TCF20: variants seen among roughly 807,000 people sequenced by gnomAD.
TCF20 encodes the protein SPRE-binding protein.
TCF20 carries 3 observed loss-of-function variants against 148.6 expected under a neutral mutation model. The ratio of observed to expected loss-of-function variants is 0.02; its 90% CI spans 0.01 to 0.05. The LOEUF (loss-of-function observed/expected upper bound fraction) is 0.05. TCF20 is among the 10% of genes least tolerant of loss of function. The pLI, the probability that TCF20 is intolerant of heterozygous loss-of-function variation, is 1.00. For synonymous variants in TCF20, 1,049 were observed against 909.5 expected, an observed-to-expected ratio of 1.15 and a Z score of -2.76; for missense variants, 2,350 against 2,429.3, an observed-to-expected ratio of 0.97 and a Z score of 0.69.
intron 1 of TCF20, among the ~76,000 whole-genome samples, chr22:42,260,515 A>C (rs1388645276): frequency 1.3e-5 from 2 of 152,176 alleles, no homozygotes; most frequent in African/African-American, 4.8e-5. Flanking sequence ...TCTTGAGATG[A>C]GAGGGAACAA....
chr22:42,201,425 T>G (rs753072333), intron 2 of TCF20, among the ~76,000 whole-genome samples: 7 of 152,180 alleles, frequency 4.6e-5, no homozygotes, highest in Non-Finnish European at 1.0e-4. Flanking sequence ...TCAGAATTCT[T>G]AATTATTTTG....
intron 1 of TCF20, among the ~76,000 whole-genome samples, chr22:42,230,522 A>T (rs888634421): frequency 2.6e-5 from 4 of 152,150 alleles, no homozygotes; most frequent in Admixed American, 1.3e-4. Flanking sequence ...GCATGTGCCT[A>T]TAAGTCCTAG....
intron 1 of TCF20, among the ~76,000 whole-genome samples, chr22:42,311,233 GACCTGCAGT>G (rs1412220805): frequency 1.3e-5 from 2 of 152,232 alleles, no homozygotes; most frequent in African/African-American, 4.8e-5. Flanking sequence ...TGGCGACTGG[GACCTGCAGT>G]CAGGGAGGCA....
intron 1 of TCF20, among the ~76,000 whole-genome samples, chr22:42,243,063 C>G (rs142735045): frequency 1.3e-5 from 2 of 151,710 alleles, no homozygotes; most frequent in Admixed American, 1.3e-4. Flanking sequence ...AGGATGAATA[C>G]GGAGAGAGTA....
intron 1 of TCF20, among the ~76,000 whole-genome samples, chr22:42,260,515 A>G (rs1388645276): frequency 6.6e-6 from 1 of 152,176 alleles, no homozygotes; most frequent in African/African-American, 2.4e-5. Context: ...TCTTGAGATG[A>G]GAGGGAACAA....
In TCF20 at chr22:42,277,594, CAG is replaced by C. The variant is rs200040461; in HGVS notation, c.-37+6231_-37+6232del. On this transcript the variant is annotated intron_variant, in intron 1 of 5. Transcript: ENST00000359486. ...AACAAGTAGATTTCCAGGAAGGGCA[CAG>C]GGGCCTGCAGGGTAATGTAAGTGAA... Among the ~76,000 whole-genome samples, 689 of 152,264 alleles carry C rather than the reference CAG, an allele frequency of 4.5e-3. 8 individuals are homozygous for C. Among genetic ancestry groups the C allele is most frequent in the African/African-American group, 0.016 (664 of 41,534 alleles).
intron 1 of TCF20, among the ~76,000 whole-genome samples, chr22:42,241,453 T>C (rs1041543538): frequency 2.0e-5 from 3 of 152,148 alleles, no homozygotes; most frequent in African/African-American, 7.2e-5. Context: ...TAAAAAACAA[T>C]GTAGCAGACT....
chr22:42,244,819 C>T, intron 1 of TCF20, among the ~76,000 whole-genome samples: 1 of 152,124 alleles, frequency 6.6e-6, no homozygotes, highest in East Asian at 1.9e-4. Flanking sequence ...GTGGCTCACA[C>T]CTGTAATCCC....
At chr22:42,237,660 G>C (rs1194655125) in intron 1 of TCF20, among the ~76,000 whole-genome samples, 4 of 152,208 alleles carry the variant, frequency 2.6e-5, no homozygotes, top group Non-Finnish European at 5.9e-5. Context: ...TCTTAAATAA[G>C]ACTTGAAAAT....
chr22:42,193,292 T>C (rs1412649435), intron 2 of TCF20, among the ~76,000 whole-genome samples: 1 of 151,492 alleles, frequency 6.6e-6, no homozygotes, highest in African/African-American at 2.4e-5. Flanking sequence ...CCTACACTTT[T>C]TTTTTTTTTT....
Position 42,243,310 on chromosome 22 carries a change from A to AAAAAAAAAAAAAAAAAAAAC in TCF20, c.-37+27028_-37+27029insGTTTTTTTTTTTTTTTTTTT, listed in dbSNP as rs1569180401. On this transcript the variant is annotated intron_variant, in intron 1 of 5. Coordinates refer to ENST00000677622, the MANE Select transcript of TCF20 (RefSeq NM_001378418.1). ...ACTGTCTCAAAAAAAAAAAAAAAAA[A>AAAAAAAAAAAAAAAAAAAAC]AAAAAAAAAAAGTCAGGCATGATGG... is the stretch of plus-strand genomic sequence containing the variant. Among the ~76,000 whole-genome samples, 32 of 140,950 alleles carry AAAAAAAAAAAAAAAAAAAAC rather than the reference A, an allele frequency of 2.3e-4. 1 individual carries two copies. Among genetic ancestry groups the AAAAAAAAAAAAAAAAAAAAC allele is most frequent in the African/African-American group, 8.8e-4 (29 of 33,014 alleles). The allele number at this position is 140,950 out of a possible 152,430, so 92.5% of individuals were successfully genotyped here.
chr22:42,308,932 G>GA (rs1333795711), intron 1 of TCF20, among the ~76,000 whole-genome samples: 1 of 152,156 alleles, frequency 6.6e-6, no homozygotes, highest in Non-Finnish European at 1.5e-5. Context: ...AGGCGTGGGT[G>GA]AAACGGGCTG....
At chr22:42,310,352 G>C (rs759278533) in intron 1 of TCF20, among the ~76,000 whole-genome samples, 1 of 151,824 alleles carries the variant, frequency 6.6e-6, no homozygotes, top group Non-Finnish European at 1.5e-5. Context: ...ACAGTCCCTG[G>C]GGCTACGGAG....
chr22:42,231,116 T>C (rs28854583), intron 1 of TCF20, among the ~76,000 whole-genome samples: 110,186 of 152,080 alleles, frequency 0.72, 40,173 homozygotes, highest in Non-Finnish European at 0.74. Context: ...GAGCTGAGAC[T>C]GCACCATTCC....
chr22:42,329,827 T>A, intron 1 of TCF20, among the ~76,000 whole-genome samples: 1 of 151,264 alleles, frequency 6.6e-6, no homozygotes, highest in Non-Finnish European at 1.5e-5. Flanking sequence ...CCTGCCTGCC[T>A]GCCCCATCCC....
At chr22:42,326,434 T>C (rs769995893) in intron 1 of TCF20, among the ~76,000 whole-genome samples, 18 of 152,210 alleles carry the variant, frequency 1.2e-4, no homozygotes, top group Admixed American at 2.0e-4. Flanking sequence ...AAATCCCTCA[T>C]AGAAATGAGA....
At chr22:42,179,055 G>C (rs200092015) in intron 3 of TCF20, among the ~76,000 whole-genome samples, 2 of 127,350 alleles carry the variant, frequency 1.6e-5, no homozygotes, top group African/African-American at 3.0e-5. Context: ...AAAAAAAAAA[G>C]AAACACATAT....
upstream of TCF20, among the ~76,000 whole-genome samples, chr22:42,288,031 T>A (rs1486872785): frequency 1.3e-5 from 2 of 152,172 alleles, no homozygotes; most frequent in Non-Finnish European, 2.9e-5. Flanking sequence ...GCAGGCCAGT[T>A]GTATGTGCTG....
chr22:42,188,739 G>C (rs1301786653), intron 2 of TCF20, among the ~76,000 whole-genome samples: 3 of 152,194 alleles, frequency 2.0e-5, no homozygotes, highest in Non-Finnish European at 4.4e-5. Flanking sequence ...ATCGACTTCA[G>C]AAGTATAATA....
Sources: allele counts gnomAD v4.1 joint callset (sites outside exome capture counted in the v4.1 genomes callset), GRCh38; gene constraint gnomAD v4.1.1; transcripts MANE v1.5; gene names NCBI Gene and HGNC (gene_info 2026-07-23, HGNC 2026-07-21).